KCNIP1: variants seen among roughly 807,000 people sequenced by gnomAD.
KCNIP1 encodes potassium voltage-gated channel interacting protein 1, also known as A-type potassium channel modulatory protein KCNIP1.
KCNIP1 carries 18 observed loss-of-function variants against 33.0 expected under a neutral mutation model. The observed-to-expected ratio is 0.55, with a 90% confidence interval of 0.38 to 0.81. The LOEUF (loss-of-function observed/expected upper bound fraction) is 0.81, where lower values mean the gene tolerates loss of function less well. Ranked by LOEUF, KCNIP1 falls within the 30% of genes least tolerant of loss-of-function variation. KCNIP1 has a pLI of 0.00. For missense variants in KCNIP1, 238 were observed against 271.6 expected, an observed-to-expected ratio of 0.88 and a Z score of 0.87; for synonymous variants, 93 against 98.3, an observed-to-expected ratio of 0.95 and a Z score of 0.32.
intron 1 of KCNIP1, among the ~76,000 whole-genome samples, chr5:170,663,572 A>C (rs1365116803): frequency 6.6e-6 from 1 of 152,144 alleles, no homozygotes; most frequent in Non-Finnish European, 1.5e-5. Flanking sequence ...AAATGCCCCT[A>C]GCCTGAGAAA....
At chr5:170,641,165 C>A (rs1760534610) in intron 1 of KCNIP1, among the ~76,000 whole-genome samples, 1 of 152,168 alleles carries the variant, frequency 6.6e-6, no homozygotes, top group Non-Finnish European at 1.5e-5. Context: ...CACTTTGGGA[C>A]CCTCTGCCCG....
chr5:170,501,636 T>C (rs958147094), upstream of KCNIP1, among the ~76,000 whole-genome samples: 8 of 152,326 alleles, frequency 5.3e-5, no homozygotes, highest in South Asian at 2.1e-4. Context: ...CATTCTAGCC[T>C]TTTGTGACCT....
chr5:170,425,501 T>C (rs956094559), intron 1 of KCNIP1, among the ~76,000 whole-genome samples: 5 of 151,808 alleles, frequency 3.3e-5, no homozygotes, highest in African/African-American at 1.2e-4. Flanking sequence ...CCCTTTGGGG[T>C]TCCCTGTATT....
At chr5:170,465,399 G>A (rs1005566959) in intron 1 of KCNIP1, among the ~76,000 whole-genome samples, 1 of 152,094 alleles carries the variant, frequency 6.6e-6, no homozygotes, top group Non-Finnish European at 1.5e-5. Flanking sequence ...AGAGAAAACT[G>A]AGCTTTTCCA....
intron 1 of KCNIP1, among the ~76,000 whole-genome samples, chr5:170,647,697 T>TTC (rs1760840608): frequency 6.6e-6 from 1 of 152,048 alleles, no homozygotes; most frequent in Non-Finnish European, 1.5e-5. Flanking sequence ...TGGAATCATA[T>TTC]CTAGAAGATC....
chr5:170,732,894 T>A lies in KCNIP1; in HGVS notation c.530T>A (p.Val177Asp). The A allele has an allele frequency of 6.2e-7, 1 of 1,608,822 alleles. No individual in the cohort carries two copies. Among genetic ancestry groups the A allele is most frequent in the Non-Finnish European group, 8.5e-7 (1 of 1,175,272 alleles). ...KEDTPRQHVD[V>D]FFQKMDKNKD... ...GACACTCCAAGGCAGCATGTGGACGTCTTCTTCCAGGTAAGTGCACACACC... is the reference window on the plus strand; with the variant it reads ...GACACTCCAAGGCAGCATGTGGACGACTTCTTCCAGGTAAGTGCACACACC... The change falls in exon 6 of 8, where the codon GTC becomes GAC. Residue 177 changes from valine to aspartate, a missense_variant. Transcript: ENST00000328939.
At chr5:170,577,103 T>A (rs974028047) in intron 1 of KCNIP1, among the ~76,000 whole-genome samples, 9 of 152,184 alleles carry the variant, frequency 5.9e-5, no homozygotes, top group African/African-American at 2.2e-4. Context: ...TTGGTCCCAG[T>A]TTCCCTGAGA....
intron 1 of KCNIP1, among the ~76,000 whole-genome samples, chr5:170,452,859 C>T (rs4867966): frequency 0.36 from 55,457 of 151,990 alleles, 10,155 homozygotes; most frequent in East Asian, 0.56. Flanking sequence ...GTTATTCACT[C>T]GTTGTACATC....
chr5:170,732,053 T>C (rs1371774777), intron 5 of KCNIP1, among the ~76,000 whole-genome samples: 1 of 152,206 alleles, frequency 6.6e-6, no homozygotes, highest in Non-Finnish European at 1.5e-5. Context: ...CTCTCTGTAC[T>C]AATTTTGTAA....
chr5:170,516,427 A>G (rs997247973), intron 1 of KCNIP1, among the ~76,000 whole-genome samples: 5 of 152,178 alleles, frequency 3.3e-5, no homozygotes, highest in Non-Finnish European at 7.3e-5. Flanking sequence ...AGCATCTTCG[A>G]GCATCCCAGG....
chr5:170,385,269 C>A (rs760953704), intron 1 of KCNIP1: 2 of 1,611,562 alleles, frequency 1.2e-6, no homozygotes, highest in South Asian at 2.2e-5. Context: ...ATGCCAGACC[C>A]TTAGGAGAGG....
intron 1 of KCNIP1, among the ~76,000 whole-genome samples, chr5:170,424,960 G>A (rs1234990660): frequency 6.6e-6 from 1 of 152,108 alleles, no homozygotes; most frequent in Non-Finnish European, 1.5e-5. Flanking sequence ...AAGGGCCTTT[G>A]CACATGCTGG....
intron 1 of KCNIP1, among the ~76,000 whole-genome samples, chr5:170,627,892 G>A (rs1030828700): frequency 2.6e-5 from 4 of 152,184 alleles, no homozygotes; most frequent in Admixed American, 1.3e-4. Context: ...CCAAAGAAAC[G>A]TATCAGCAGC....
At chr5:170,646,794 G>A (rs1248469478) in intron 1 of KCNIP1, among the ~76,000 whole-genome samples, 2 of 152,086 alleles carry the variant, frequency 1.3e-5, no homozygotes, top group African/African-American at 2.4e-5. Context: ...GAAAAATAAA[G>A]CTGTTTTTGT....
At chr5:170,492,356 G>A (rs1028649825) in intron 1 of KCNIP1, among the ~76,000 whole-genome samples, 1 of 152,216 alleles carries the variant, frequency 6.6e-6, no homozygotes, top group South Asian at 2.1e-4. Flanking sequence ...TATGGGGTTG[G>A]GGGATGAGGC....
At chr5:170,442,917 C>T (rs768325808) in intron 1 of KCNIP1, among the ~76,000 whole-genome samples, 1 of 152,244 alleles carries the variant, frequency 6.6e-6, no homozygotes, top group African/African-American at 2.4e-5. Context: ...TCCCAGAAAA[C>T]AGGCCTGGAC....
chr5:170,593,096 T>G (rs1261956581), intron 1 of KCNIP1, among the ~76,000 whole-genome samples: 3 of 152,224 alleles, frequency 2.0e-5, no homozygotes, highest in Non-Finnish European at 4.4e-5. Context: ...TTGGCTCATT[T>G]ACTTCTGTAA....
intron 1 of KCNIP1, among the ~76,000 whole-genome samples, chr5:170,541,987 T>G (rs1756227705): frequency 6.6e-6 from 1 of 152,244 alleles, no homozygotes; most frequent in African/African-American, 2.4e-5. Flanking sequence ...TAATATCATC[T>G]ACAGAGCAAG....
chr5:170,536,028 T>C (rs1410494807), intron 1 of KCNIP1, among the ~76,000 whole-genome samples: 1 of 152,180 alleles, frequency 6.6e-6, no homozygotes, highest in Non-Finnish European at 1.5e-5. Flanking sequence ...CATAACCCTT[T>C]CTCCGCCAGA....
Sources: gnomAD v4.1 joint callset for allele counts (sites outside exome capture counted in the v4.1 genomes callset) on GRCh38, gnomAD v4.1.1 for gene constraint, MANE v1.5 for transcripts, NCBI Gene and HGNC (gene_info 2026-07-23, HGNC 2026-07-21) for gene names.